Variants in SGSH observed in about 807,000 individuals in gnomAD.
SGSH encodes N-sulfoglucosamine sulfohydrolase, also known as heparan sulfate sulfatase.
In SGSH, 48 loss-of-function variants were observed where a neutral mutation model predicts 51.0. The ratio of observed to expected loss-of-function variants is 0.94; its 90% CI spans 0.75 to 1.20. SGSH has a LOEUF of 1.20. SGSH is among the 50% of genes most tolerant of loss of function. SGSH has a pLI of 0.00. For missense variants in SGSH, 662 were observed against 717.8 expected, an observed-to-expected ratio of 0.92 and a Z score of 0.89; for synonymous variants, 321 against 313.4, an observed-to-expected ratio of 1.02 and a Z score of -0.26.
rs200320139 is a variant in SGSH at position 80,210,720 on chromosome 17, C to A, written c.1241G>T (p.Arg414Leu). 5.6e-6 allele frequency: 9 copies of A among 1,613,962 alleles called. No homozygotes were observed. In the Admixed American group the frequency reaches 1.0e-4, roughly 18 times the overall value. ...GCCCGTGGGCTGACCAGCTGTGGTG[C>A]GGTTCAGGAGGTCCTGGAAGGTGGG... ...VSPTFQDLLNRTTAGQPTGWY... is the reference protein window; with the variant it reads ...VSPTFQDLLNLTTAGQPTGWY... The change falls in exon 8 of 8, where the codon CGC becomes CTC. Residue 414 changes from arginine (R) to leucine (L), a missense_variant. Physicochemically the swap from Arg to Leu is moderately radical, Grantham distance 102. Coordinates refer to ENST00000326317, the MANE Select transcript of SGSH (RefSeq NM_000199.5).
Position 80,213,542 on chromosome 17 carries a change from G to A in SGSH, c.745+262C>T, listed in dbSNP as rs767319526. ...AAATCTGACCCAGGTCCTGTGACTG[G>A]AAATATCTGAAGTCTTCACGCAACC... On this transcript the variant is annotated intron_variant, in intron 6 of 7. Coordinates refer to ENST00000326317, the MANE Select transcript of SGSH (RefSeq NM_000199.5). This position sits in a 1 kb window ranked among gnomAD's most constrained non-coding sequence, Gnocchi z 4.6. The A allele has an allele frequency of 1.1e-5, 6 of 560,936 alleles. No homozygotes were observed. Among genetic ancestry groups the A allele is most frequent in the Non-Finnish European group, 1.9e-5 (6 of 314,166 alleles). 34.7% of individuals were successfully genotyped at this position (560,936 alleles called of 1,614,324 possible). A position where few individuals can be genotyped will look rare whatever the true frequency, so the allele number is the denominator to read the frequency against.
At position 80,210,027 on chromosome 17, in the gene SGSH, G is replaced by A. The variant is rs1208156802; in HGVS notation, c.*425C>T. On this transcript the variant is annotated 3_prime_UTR_variant, in exon 8 of 8. Coordinates refer to ENST00000326317, the MANE Select transcript of SGSH (RefSeq NM_000199.5). ...AAGCCCCTGCCTGCTCTCTGTGAAG[G>A]GTTCAGAAGTATCTGTGGCTGCCAA... is the stretch of plus-strand genomic sequence containing the variant. The A allele has an allele frequency of 9.4e-7, 1 of 1,063,438 alleles. No homozygotes were observed. Among genetic ancestry groups the A allele is most frequent in the African/African-American group, 1.6e-5 (1 of 60,622 alleles). The allele number at this position is 1,063,438 out of a possible 1,614,324, so 65.9% of individuals were successfully genotyped here. A position where few individuals can be genotyped will look rare whatever the true frequency, so the allele number is the denominator to read the frequency against.
Position 80,212,593 on chromosome 17 carries a change from C to T in SGSH, c.746-319G>A, listed in dbSNP as rs557532703. 8 of 438,206 alleles carry T rather than the reference C, an allele frequency of 1.8e-5. No homozygotes were observed. In the East Asian group the frequency reaches 3.5e-4, roughly 19 times the overall value. The allele number at this position is 438,206 out of a possible 1,614,324, so 27.1% of individuals were successfully genotyped here. ...AGTTCTCCGGAATCTCGTGTCTGTC[C>T]CATGGAGCAAATAGGGCAGGGGCCA... On this transcript the variant is annotated intron_variant, in intron 6 of 7. Transcript: ENST00000326317. This position sits in a 1 kb window ranked among gnomAD's most constrained non-coding sequence, Gnocchi z 5.9.
At position 80,215,165 on chromosome 17, in the gene SGSH, G is replaced by A. The variant is rs751833568; in HGVS notation, c.250-27C>T. On this transcript the variant is annotated intron_variant, in intron 2 of 7. Coordinates refer to ENST00000326317, the MANE Select transcript of SGSH (RefSeq NM_000199.5). ...TGCCAGCAAAGGCGCATGAGGTCCG[G>A]GGCCCCCGGACAGCCAGAGCCCGCC... 21 of 1,569,422 alleles carry A rather than the reference G, an allele frequency of 1.3e-5. 1 individual carries two copies. The highest frequency in any genetic ancestry group is 1.8e-5 in the Non-Finnish European group (21 of 1,149,462).
chr17:80,217,392 T>A (rs565119964), intron 1 of SGSH, among the ~76,000 whole-genome samples, 200 bp from the exon 2 acceptor site: 1 of 152,220 alleles, frequency 6.6e-6, no homozygotes, highest in African/African-American at 2.4e-5. Flanking sequence ...CCCGAGTGGG[T>A]ACATCAGGCA....
chr17:80,217,057 G>T lies in SGSH; in HGVS notation c.224C>A (p.Ala75Asp). ...TSVSSCSPSR[A>D]SLLTGLPQHQ... is the part of the protein sequence containing the mutation. Reference sequence around the variant, plus strand: ...CTGGGGCAGGCCAGTGAGGAGGCTGGCGCGGCTGGGAGAGCAGCTGCTGAC... The same window carrying T: ...CTGGGGCAGGCCAGTGAGGAGGCTGTCGCGGCTGGGAGAGCAGCTGCTGAC... The change falls in exon 2 of 8, where the codon GCC (alanine) becomes GAC (aspartate). Residue 75 changes from alanine to aspartate, a missense_variant. Transcript: ENST00000326317. The T allele has an allele frequency of 6.3e-7, 1 of 1,588,548 alleles. No individual in the cohort carries two copies. Among genetic ancestry groups the T allele is most frequent in the Non-Finnish European group, 8.5e-7 (1 of 1,169,882 alleles).
chr17:80,208,117 C>G (rs772367503), downstream of SGSH: 10 of 1,501,188 alleles, frequency 6.7e-6, no homozygotes, highest in Admixed American at 4.2e-5. Context: ...AGCCCGCCCC[C>G]CCCAACTCTG....
rs922167799 is a variant in SGSH, at chr17:80,210,349, G to A, written c.*103C>T. On this transcript the variant is annotated 3_prime_UTR_variant, in exon 8 of 8. Coordinates refer to ENST00000326317, the MANE Select transcript of SGSH (RefSeq NM_000199.5). ...ACCCTCCTTGGATGGGAGTGTGGAC[G>A]GAAGGGCTGTTGCCACTACTCCCCA... 3.7e-5 allele frequency: 54 copies of A among 1,458,970 alleles called. No individual in the cohort carries two copies. In the East Asian group the frequency reaches 4.2e-4, roughly 11 times the overall value. The allele number at this position is 1,458,970 out of a possible 1,614,324, so 90.4% of individuals were successfully genotyped here. A position where few individuals can be genotyped will look rare whatever the true frequency, so the allele number is the denominator to read the frequency against.
downstream of SGSH, chr17:80,201,916 C>T (rs778217550): frequency 8.9e-6 from 14 of 1,567,640 alleles, no homozygotes; most frequent in East Asian, 3.1e-4. This position sits in a 1 kb window ranked among gnomAD's most constrained non-coding sequence, Gnocchi z 5.0. Flanking sequence ...TGGCCAGACT[C>T]CATGACCCTT....
Position 80,214,089 on chromosome 17 carries a change from G to A in SGSH, c.663+83C>T, listed in dbSNP as rs538131971. On this transcript the variant is annotated intron_variant, in intron 5 of 7. Coordinates refer to ENST00000326317, the MANE Select transcript of SGSH (RefSeq NM_000199.5). Reference sequence around the variant, plus strand: ...AGAGCCTCTTTCTTCATCATCTAGGGCCAGGGCTGCAAGCTCGTAGGAGGC... The same window carrying A: ...AGAGCCTCTTTCTTCATCATCTAGGACCAGGGCTGCAAGCTCGTAGGAGGC... 230 of 1,508,156 alleles carry A rather than the reference G, an allele frequency of 1.5e-4. 1 individual carries two copies. In the African/African-American group the frequency reaches 2.7e-3, roughly 17 times the overall value. The allele number at this position is 1,508,156 out of a possible 1,614,324, so 93.4% of individuals were successfully genotyped here.
Position 80,212,485 on chromosome 17 carries a change from A to G in SGSH, c.746-211T>C, listed in dbSNP as rs2041709261. 1 of 617,172 alleles carries G rather than the reference A, an allele frequency of 1.6e-6. No individual in the cohort carries two copies. The highest frequency in any genetic ancestry group is 1.8e-5 in the African/African-American group (1 of 55,326). The allele number at this position is 617,172 out of a possible 1,614,324, so 38.2% of individuals were successfully genotyped here. A position where few individuals can be genotyped will look rare whatever the true frequency, so the allele number is the denominator to read the frequency against. On this transcript the variant is annotated intron_variant, in intron 6 of 7. Transcript: ENST00000326317. This position sits in a 1 kb window ranked among gnomAD's most constrained non-coding sequence, Gnocchi z 5.9. ...CTCCCATTCCCTGAGCAGGCCTCGA[A>G]TGGGCCTCCAGGGACTCCAGCCATC...
At chr17:80,204,169 C>A, downstream of SGSH, 1 of 1,499,158 alleles carries the variant, frequency 6.7e-7, no homozygotes, top group Non-Finnish European at 9.0e-7. Context: ...CCCTGAATTC[C>A]CATTCCTGTT....
At chr17:80,205,426 C>T (rs148986299), downstream of SGSH, 162 of 1,447,174 alleles carry the variant, frequency 1.1e-4, 3 homozygotes, top group East Asian at 3.8e-3. Context: ...AGAAGAGCTT[C>T]TCCCAGTGCT....
rs938211450 is a variant in SGSH, at chr17:80,212,551, G to C, written c.746-277C>G. 1 of 515,764 alleles carries C rather than the reference G, an allele frequency of 1.9e-6. No individual in the cohort carries two copies. Among genetic ancestry groups the C allele is most frequent in the Admixed American group, 3.2e-5 (1 of 31,412 alleles). The allele number at this position is 515,764 out of a possible 1,614,324, so 31.9% of individuals were successfully genotyped here. A position where few individuals can be genotyped will look rare whatever the true frequency, so the allele number is the denominator to read the frequency against. ...GTCACCCCCAGGCAGCTGCTCCCTG[G>C]TGCCCGCCGGCTTTTGAGTTCTCCG... On this transcript the variant is annotated intron_variant, in intron 6 of 7. Coordinates refer to ENST00000326317, the MANE Select transcript of SGSH (RefSeq NM_000199.5). This position sits in a 1 kb window ranked among gnomAD's most constrained non-coding sequence, Gnocchi z 5.9.
downstream of SGSH, chr17:80,202,629 GAACATTC>G: frequency 7.1e-7 from 1 of 1,411,644 alleles, no homozygotes; most frequent in Non-Finnish European, 9.2e-7. Context: ...GTTCATTCTA[GAACATTC>G]TAGATCTGGG....
downstream of SGSH, chr17:80,207,164 G>C: frequency 9.9e-7 from 1 of 1,007,844 alleles, no homozygotes; most frequent in East Asian, 2.5e-5. Context: ...GGTGCCTCTG[G>C]AGTGTGCTCT....
downstream of SGSH, among the ~76,000 whole-genome samples, chr17:80,207,959 G>A (rs1263747229): frequency 6.6e-6 from 1 of 152,176 alleles, no homozygotes; most frequent in Non-Finnish European, 1.5e-5. Flanking sequence ...GCAAGGCTGT[G>A]TTCTAGACAA....
At chr17:80,205,117 C>T (rs61757652), downstream of SGSH, 129,464 of 1,613,570 alleles carry the variant, frequency 0.08, 5,691 homozygotes, top group South Asian at 0.15. Flanking sequence ...CCGCCCGGCC[C>T]CGGCCTGTGC....
In SGSH at chr17:80,219,767, G is replaced by C. The variant is rs550161621; in HGVS notation, c.88+459C>G. On this transcript the variant is annotated intron_variant, in intron 1 of 7. Transcript: ENST00000326317. ...ACTGGGGTTGGGGGAGACGGTGGTG[G>C]GTGGGTGGTGGAGGGCTGTGCCCTT... 4.1e-4 allele frequency: 64 copies of C among 157,258 alleles called. 2 individuals carry two copies. In the East Asian group the frequency reaches 0.012, roughly 29 times the overall value. The allele number at this position is 157,258 out of a possible 1,614,324, so 9.7% of individuals were successfully genotyped here.
Sources: allele counts gnomAD v4.1 joint callset (sites outside exome capture counted in the v4.1 genomes callset), GRCh38; gene constraint gnomAD v4.1.1; non-coding constraint Gnocchi (gnomAD v3.1); transcripts MANE v1.5; gene names NCBI Gene and HGNC (gene_info 2026-07-23, HGNC 2026-07-21).